The following HDAC4 variants were observed in gnomAD, a reference collection of about 807,000 sequenced individuals.
The protein encoded by HDAC4 is histone deacetylase 4.
HDAC4 carries 16 observed loss-of-function variants against 135.1 expected under a neutral mutation model. The observed-to-expected ratio is 0.12, with a 90% CI of 0.08 to 0.18. HDAC4 has a LOEUF of 0.18. Among genes scored for constraint, HDAC4 ranks in the 10% least tolerant of loss-of-function variants. HDAC4 has a pLI of 1.00. For missense variants in HDAC4, 1,143 were observed against 1,511.8 expected, an observed-to-expected ratio of 0.76 and a Z score of 4.05; for synonymous variants, 685 against 653.4, an observed-to-expected ratio of 1.05 and a Z score of -0.74.
chr2:239,380,984 T>C (rs1423934224), intron 1 of HDAC4, among the ~76,000 whole-genome samples: 1 of 152,166 alleles, frequency 6.6e-6, no homozygotes, highest in South Asian at 2.1e-4. Context: ...CACGTCCTGA[T>C]AGCTGAGAAA....
At chr2:239,318,029 G>T (rs1019668046) in intron 2 of HDAC4, among the ~76,000 whole-genome samples, 1 of 151,784 alleles carries the variant, frequency 6.6e-6, no homozygotes, top group Non-Finnish European at 1.5e-5. Context: ...TAGCAAGAAC[G>T]GTGACACTAG....
At position 239,244,367 on chromosome 2, in the gene HDAC4, C is replaced by T. The variant is rs554550832; in HGVS notation, c.23-7703G>A. 1.3e-3 allele frequency among the ~76,000 whole-genome samples: 200 copies of T among 151,570 alleles called. 4 individuals carry two copies. In the South Asian group the frequency reaches 0.037, roughly 28 times the overall value. On this transcript the variant is annotated intron_variant, in intron 2 of 26. Coordinates refer to ENST00000543185, the MANE Select transcript of HDAC4 (RefSeq NM_001378414.1). ...CAGGTGTCTGTGAGAAAGCGCTGCG[C>T]GAGGGCCCATGTGGCCCACCAAGAC...
chr2:239,392,086 C>T (rs2126109073), intron 1 of HDAC4, among the ~76,000 whole-genome samples: 1 of 152,342 alleles, frequency 6.6e-6, no homozygotes, highest in South Asian at 2.1e-4. Flanking sequence ...CTGCCCGGGC[C>T]ACCATGCCGG....
At chr2:239,383,896 C>A (rs1277805075) in intron 1 of HDAC4, among the ~76,000 whole-genome samples, 1 of 152,218 alleles carries the variant, frequency 6.6e-6, no homozygotes. Flanking sequence ...TCAGCCCCGC[C>A]AACAAGGCCA....
At chr2:239,241,252 C>T (rs2048161331) in intron 2 of HDAC4, among the ~76,000 whole-genome samples, 1 of 152,162 alleles carries the variant, frequency 6.6e-6, no homozygotes, top group Admixed American at 6.5e-5. Flanking sequence ...GCACAGGCTC[C>T]TGAACTGGGA....
chr2:239,369,313 G>C (rs1286424020), intron 1 of HDAC4, among the ~76,000 whole-genome samples: 1 of 152,144 alleles, frequency 6.6e-6, no homozygotes, highest in Non-Finnish European at 1.5e-5. Flanking sequence ...GCATGTCTAC[G>C]GTTGGAGCTC....
intron 3 of HDAC4, among the ~76,000 whole-genome samples, chr2:239,192,685 C>T (rs61037086): frequency 0.032 from 4,806 of 152,264 alleles, 261 homozygotes; most frequent in African/African-American, 0.11. Flanking sequence ...TTCCCTCTTC[C>T]GCGTTCATGG....
chr2:239,273,296 G>A (rs933945472), intron 2 of HDAC4, among the ~76,000 whole-genome samples: 1 of 152,056 alleles, frequency 6.6e-6, no homozygotes, highest in Non-Finnish European at 1.5e-5. Flanking sequence ...AGCAGCAAAG[G>A]CCTAAAAGGC....
In HDAC4 at chr2:239,378,377, T is replaced by C. The variant is rs1011702744; in HGVS notation, c.-220+22601A>G. Among the ~76,000 whole-genome samples, 3 of 152,146 alleles carry C rather than the reference T, an allele frequency of 2.0e-5. No homozygotes were observed. In the East Asian group the frequency reaches 5.8e-4, roughly 29 times the overall value. ...ATGATGGCCTGGAAGAGGGAAGGCG[T>C]TGGCCCCGGGGAACGAAGAGCTGAG... On this transcript the variant is annotated intron_variant, in intron 1 of 26. Coordinates refer to ENST00000543185, the MANE Select transcript of HDAC4 (RefSeq NM_001378414.1).
intron 7 of HDAC4, chr2:239,155,006 AGCCCGATACG>A (rs1430228111): frequency 6.6e-6 from 1 of 152,152 alleles, no homozygotes; most frequent in African/African-American, 2.4e-5. Context: ...GGTCTCCACC[AGCCCGATACG>A]GCCCACTCCT....
intron 1 of HDAC4, among the ~76,000 whole-genome samples, chr2:239,391,843 C>A (rs908255): frequency 0.76 from 116,050 of 151,896 alleles, 44,628 homozygotes; most frequent in East Asian, 0.94. Flanking sequence ...TCCGCAGCTC[C>A]CACGTGCCTC....
At chr2:239,169,867 C>A (rs1426164414) in intron 5 of HDAC4, among the ~76,000 whole-genome samples, 1 of 152,186 alleles carries the variant, frequency 6.6e-6, no homozygotes. Context: ...CCCCTGTGGG[C>A]AATCCCTGGG....
chr2:239,276,088 C>G (rs1419951699), intron 2 of HDAC4, among the ~76,000 whole-genome samples: 5 of 152,190 alleles, frequency 3.3e-5, no homozygotes, highest in African/African-American at 9.7e-5. Flanking sequence ...AGTGTTCCTC[C>G]ACTGCCAGGG....
Position 239,058,665 on chromosome 2 carries a change from C to T in HDAC4, c.3004-3832G>A, listed in dbSNP as rs895788920. Among the ~76,000 whole-genome samples, 7 of 152,266 alleles carry T rather than the reference C, an allele frequency of 4.6e-5. No individual in the cohort carries two copies. The South Asian group carries it at 1.2e-3, about 27-fold the overall frequency. On this transcript the variant is annotated intron_variant, in intron 24 of 26. Transcript: ENST00000543185. ...ATTGTGATAAGACTTCAATTCATCA[C>T]GAAAGGGCATAATGATGTCAAATGT... is the stretch of plus-strand genomic sequence containing the variant.
In HDAC4 at chr2:239,146,199, G is replaced by A. The variant is rs1396655605; in HGVS notation, c.734-1485C>T. Among the ~76,000 whole-genome samples the A allele has an allele frequency of 7.2e-5, 11 of 152,124 alleles. No individual in the cohort carries two copies. The highest frequency in any genetic ancestry group is 2.7e-4 in the African/African-American group (11 of 41,398). On this transcript the variant is annotated intron_variant, in intron 7 of 26. Transcript: ENST00000543185. This position sits in a 1 kb window ranked among gnomAD's most constrained non-coding sequence, Gnocchi z 4.5. ...TCACAAGCTCCACTTCTATTTCCAC[G>A]CTGGGTTTCTTGCCATTATTCAAAA...
At chr2:239,336,634 T>G (rs562221845) in intron 2 of HDAC4, among the ~76,000 whole-genome samples, 2 of 152,332 alleles carry the variant, frequency 1.3e-5, no homozygotes, top group East Asian at 1.9e-4. Flanking sequence ...CTTCATTTTG[T>G]GAACTCAAAA....
At position 239,054,570 on chromosome 2, in the gene HDAC4, T is replaced by C. The variant is rs551418079; in HGVS notation, c.3088+179A>G. ...CGGGGGAAATCCAGTCGGGGTTAAA[T>C]GTGAGTCTCTACCAGCTCAAGAAAT... On this transcript the variant is annotated intron_variant, in intron 25 of 26. Transcript: ENST00000543185. Among the ~76,000 whole-genome samples the C allele has an allele frequency of 6.6e-5, 10 of 152,208 alleles. No individual in the cohort carries two copies. The South Asian group carries it at 1.9e-3, about 28-fold the overall frequency.
At chr2:239,263,190 G>A (rs889052074) in intron 2 of HDAC4, among the ~76,000 whole-genome samples, 4 of 152,100 alleles carry the variant, frequency 2.6e-5, no homozygotes, top group Non-Finnish European at 5.9e-5. Context: ...CTCTGCCCCA[G>A]AGGTCAGAAT....
rs374629615 is a variant in HDAC4 at position 239,255,774 on chromosome 2, TC to T, written c.23-19111del. Among the ~76,000 whole-genome samples the T allele has an allele frequency of 1.5e-3, 227 of 152,106 alleles. 2 individuals are homozygous for T. Among genetic ancestry groups the T allele is most frequent in the African/African-American group, 5.4e-3 (223 of 41,486 alleles). ...AATCCTACTCTGAAACACAAAAAGCTCCCAAGAGCATGACTGACAGCAATCA... is the reference window on the plus strand; with the variant it reads ...AATCCTACTCTGAAACACAAAAAGCTCCAAGAGCATGACTGACAGCAATCA... On this transcript the variant is annotated intron_variant, in intron 2 of 26. Coordinates refer to ENST00000543185, the MANE Select transcript of HDAC4 (RefSeq NM_001378414.1).
Sources: allele counts gnomAD v4.1 joint callset (sites outside exome capture counted in the v4.1 genomes callset), GRCh38; gene constraint gnomAD v4.1.1; non-coding constraint Gnocchi (gnomAD v3.1); transcripts MANE v1.5; gene names NCBI Gene and HGNC (gene_info 2026-07-23, HGNC 2026-07-21).